Variants in NIPBL observed in about 807,000 individuals in gnomAD.
The protein encoded by NIPBL is nipped-B-like protein.
NIPBL carries 19 observed loss-of-function variants against 321.8 expected under a neutral mutation model. The ratio of observed to expected loss-of-function variants is 0.06; its 90% CI spans 0.04 to 0.09. The LOEUF (loss-of-function observed/expected upper bound fraction) is 0.09. Ranked by LOEUF, NIPBL falls within the 10% of genes least tolerant of loss-of-function variation. The pLI is 1.00. For synonymous variants in NIPBL, 1,106 were observed against 1,114.1 expected, an observed-to-expected ratio of 0.99 and a Z score of 0.14; for missense variants, 2,210 against 3,327.0, an observed-to-expected ratio of 0.66 and a Z score of 8.26.
Position 37,016,068 on chromosome 5 carries a change from C to T in NIPBL, c.4674C>T (p.Tyr1558=), listed in dbSNP as rs587783956. 5 of 1,613,914 alleles carry T rather than the reference C, an allele frequency of 3.1e-6. No individual in the cohort carries two copies. The highest frequency in any genetic ancestry group is 3.4e-6 in the Non-Finnish European group (4 of 1,179,908). Residue 1558 remains tyrosine, a synonymous_variant, in exon 23 of 47, where the codon TAC becomes TAT. Coordinates refer to ENST00000282516, the MANE Select transcript of NIPBL (RefSeq NM_133433.4). ...KCGSKQGEED[Y]RPLFENFVQD... is the part of the protein sequence containing the mutation. ...GTAGTAAGCAAGGTGAAGAAGATTA[C>T]AGACCACTGTTTGAAAATTTTGTTC...
chr5:36,881,083 CTT>C (rs1745468099), intron 1 of NIPBL, among the ~76,000 whole-genome samples: 1 of 151,896 alleles, frequency 6.6e-6, no homozygotes, highest in Middle Eastern at 3.2e-3. Context: ...TTTTTCTTGT[CTT>C]TGAGAGAGAG....
intron 34 of NIPBL, among the ~76,000 whole-genome samples, chr5:37,042,675 C>A (rs1200103544): frequency 1.3e-5 from 2 of 151,518 alleles, no homozygotes; most frequent in South Asian, 4.2e-4. Flanking sequence ...GTTGTCGATC[C>A]ATATTCCCGA....
chr5:36,899,088 T>G (rs1747010086), intron 1 of NIPBL, among the ~76,000 whole-genome samples: 1 of 152,202 alleles, frequency 6.6e-6, no homozygotes, highest in South Asian at 2.1e-4. Context: ...TATTTCCCAA[T>G]TGTGATTTCC....
intron 45 of NIPBL, among the ~76,000 whole-genome samples, chr5:37,063,153 A>G (rs977936847): frequency 5.3e-5 from 8 of 152,184 alleles, no homozygotes; most frequent in Non-Finnish European, 7.4e-5. Flanking sequence ...AGTTTGGCCA[A>G]CATTGCAAAA....
intron 1 of NIPBL, among the ~76,000 whole-genome samples, chr5:36,883,463 A>T (rs2149516820): frequency 6.6e-6 from 1 of 152,138 alleles, no homozygotes; most frequent in South Asian, 2.1e-4. Flanking sequence ...TATTTGGGTC[A>T]CTTATGCAGG....
At chr5:36,927,064 A>G (rs1317548846) in intron 1 of NIPBL, among the ~76,000 whole-genome samples, 1 of 152,202 alleles carries the variant, frequency 6.6e-6, no homozygotes, top group East Asian at 1.9e-4. Context: ...TCCTATAAAT[A>G]TGTATATTCT....
chr5:37,037,816 C>T (rs912166320), intron 33 of NIPBL, among the ~76,000 whole-genome samples: 3 of 151,700 alleles, frequency 2.0e-5, no homozygotes, highest in African/African-American at 7.3e-5. Flanking sequence ...CATTTTCTTC[C>T]CACCTGAACA....
At chr5:36,954,289 G>C (rs1266691371) in intron 2 of NIPBL, among the ~76,000 whole-genome samples, 1 of 152,170 alleles carries the variant, frequency 6.6e-6, no homozygotes, top group Non-Finnish European at 1.5e-5. Flanking sequence ...AGGGAGCTAG[G>C]AGAAAGTATC....
At chr5:37,025,739 A>G (rs1750190192) in intron 30 of NIPBL, among the ~76,000 whole-genome samples, 1 of 152,224 alleles carries the variant, frequency 6.6e-6, no homozygotes, top group African/African-American at 2.4e-5. Context: ...TTTGATCATT[A>G]TACATTGTAT....
chr5:36,915,968 C>T (rs1162770441), intron 1 of NIPBL, among the ~76,000 whole-genome samples: 1 of 152,192 alleles, frequency 6.6e-6, no homozygotes, highest in Non-Finnish European at 1.5e-5. Context: ...AAAGGAAATA[C>T]ATCTGAAGTC....
In NIPBL at chr5:36,984,828, A is replaced by G. The variant is rs748832811; in HGVS notation, c.1648A>G (p.Arg550Gly). The G allele has an allele frequency of 3.7e-6, 6 of 1,613,792 alleles. No homozygotes were observed. Among genetic ancestry groups the G allele is most frequent in the Non-Finnish European group, 4.2e-6 (5 of 1,179,858 alleles). Residue 550 changes from arginine to glycine, a missense_variant, in exon 10 of 47, where the codon AGA becomes GGA. Arg to Gly is a moderately radical substitution (Grantham distance 125). Around this residue, in one of 14 missense-constraint regions of NIPBL, gnomAD observed 588 missense variants for 564.1 expected, o/e 1.04. Coordinates refer to ENST00000282516, the MANE Select transcript of NIPBL (RefSeq NM_133433.4). ...TAGCATTGATCTTCATCAGGCAGGA[A>G]GAGTGGACTCTCAGGCTTCTATAAC... Reference protein sequence around the residue: ...MVSIDLHQAGRVDSQASITQD... With the variant: ...MVSIDLHQAGGVDSQASITQD...
intron 1 of NIPBL, among the ~76,000 whole-genome samples, chr5:36,884,064 A>G (rs151946): frequency 0.14 from 20,636 of 152,080 alleles, 1,749 homozygotes; most frequent in East Asian, 0.31. Flanking sequence ...TGTTTATTCC[A>G]TAACGTTACC....
chr5:37,003,190 G>T (rs984976368), intron 15 of NIPBL, 71 bp from the exon 16 acceptor site: 7 of 921,220 alleles, frequency 7.6e-6, no homozygotes, highest in African/African-American at 1.6e-5. Context: ...GGGAATAATT[G>T]TACAGATTGT....
Position 37,042,872 on chromosome 5 carries a change from A to G in NIPBL, c.6109-1475A>G, listed in dbSNP as rs375365007. On this transcript the variant is annotated intron_variant, in intron 34 of 46. Transcript: ENST00000282516. ...AAAAAAAACTAGATTAAAAACATGC[A>G]TTGAAAGCCTTACTACACACACGCG... Among the ~76,000 whole-genome samples the G allele has an allele frequency of 2.6e-4, 39 of 150,664 alleles. No homozygotes were observed. The East Asian group carries it at 4.9e-3, about 19-fold the overall frequency.
chr5:37,043,940 T>C (rs1009103987), intron 34 of NIPBL, among the ~76,000 whole-genome samples: 4 of 152,172 alleles, frequency 2.6e-5, no homozygotes, highest in Non-Finnish European at 5.9e-5. Context: ...CAAATACTCC[T>C]GTGTCAGGAT....
chr5:36,931,204 G>T (rs1749748447), intron 1 of NIPBL, among the ~76,000 whole-genome samples: 1 of 151,810 alleles, frequency 6.6e-6, no homozygotes, highest in African/African-American at 2.4e-5. Flanking sequence ...TCTATTCAGA[G>T]TTTCTATTTC....
In NIPBL at chr5:37,066,245, A is replaced by C. The variant is rs1055346897; in HGVS notation, c.*1353A>C. On this transcript the variant is annotated 3_prime_UTR_variant, in exon 47 of 47. Coordinates refer to ENST00000282516, the MANE Select transcript of NIPBL (RefSeq NM_133433.4). Reference sequence around the variant, plus strand: ...GTGGATGAGGTCTGTTTCAAGTTTAATTCTTTTTAAAAATGTTTTACTTAT... The same window carrying C: ...GTGGATGAGGTCTGTTTCAAGTTTACTTCTTTTTAAAAATGTTTTACTTAT... 5 of 152,148 alleles carry C rather than the reference A, an allele frequency of 3.3e-5. No individual in the cohort carries two copies. Among genetic ancestry groups the C allele is most frequent in the African/African-American group, 9.7e-5 (4 of 41,446 alleles). The allele number at this position is 152,148 out of a possible 1,614,324, so 9.4% of individuals were successfully genotyped here. A position where few individuals can be genotyped will look rare whatever the true frequency, so the allele number is the denominator to read the frequency against.
intron 32 of NIPBL, among the ~76,000 whole-genome samples, chr5:37,032,215 T>A (rs968425727): frequency 5.3e-5 from 8 of 152,166 alleles, no homozygotes; most frequent in African/African-American, 1.9e-4. Flanking sequence ...CAGTGGTGAA[T>A]GCATTTGACA....
chr5:37,000,460 G>C lies in NIPBL; in HGVS notation c.3392G>C (p.Ser1131Thr), dbSNP rs368022392. 1 of 1,613,338 alleles carries C rather than the reference G, an allele frequency of 6.2e-7. No individual in the cohort carries two copies. The highest frequency in any genetic ancestry group is 8.5e-7 in the Non-Finnish European group (1 of 1,179,576). Residue 1131 changes from serine (S) to threonine (T), a missense_variant, in exon 12 of 47, where the codon AGT becomes ACT. Around this residue, in one of 14 missense-constraint regions of NIPBL, gnomAD observed 381 missense variants for 642.3 expected, o/e 0.59. Coordinates refer to ENST00000282516, the MANE Select transcript of NIPBL (RefSeq NM_133433.4). Reference protein sequence around the residue: ...DRRSSGDHRRSGHSHEGRRSS... With the variant: ...DRRSSGDHRRTGHSHEGRRSS... ...AGAAGCTCTGGGGATCATAGGAGAA[G>C]TGGCCACTCTCATGAAGGAAGAAGG...
Sources: allele counts gnomAD v4.1 joint callset (sites outside exome capture counted in the v4.1 genomes callset), GRCh38; gene constraint gnomAD v4.1.1; regional missense constraint gnomAD v4.1.1; transcripts MANE v1.5; gene names NCBI Gene and HGNC (gene_info 2026-07-23, HGNC 2026-07-21).